Variants in UAP1L1 observed in about 807,000 individuals in gnomAD.
UAP1L1 encodes UDP-N-acetylglucosamine pyrophosphorylase 1 like 1.
A neutral mutation model predicts 45.3 loss-of-function variants in UAP1L1; 45 were observed. The observed-to-expected ratio is 0.99, with a 90% CI of 0.78 to 1.27. UAP1L1 has a LOEUF of 1.27. Among genes scored for constraint, UAP1L1 ranks in the 50% most tolerant of loss-of-function variants. UAP1L1 has a pLI of 0.00. For missense variants in UAP1L1, 667 were observed against 694.0 expected (o/e 0.96, Z 0.44); for synonymous variants, 323 against 303.9 (o/e 1.06, Z -0.65).
rs770678704 is a variant in UAP1L1 at position 137,081,988 on chromosome 9, CT to C, written c.1365-7del. ...CTGCAAGGAGATATTGACAAGTGGACTTTCCCTAGCTTGCCCCCAAATGGAG... is the reference window on the plus strand; with the variant it reads ...CTGCAAGGAGATATTGACAAGTGGACTTCCCTAGCTTGCCCCCAAATGGAG... On this transcript the variant is annotated splice_polypyrimidine_tract_variant and intron_variant, in intron 7 of 8. Coordinates refer to ENST00000409858, the MANE Select transcript of UAP1L1 (RefSeq NM_207309.3). 51 of 1,613,820 alleles carry C rather than the reference CT, an allele frequency of 3.2e-5. No individual in the cohort carries two copies. The highest frequency in any genetic ancestry group is 4.3e-5 in the Non-Finnish European group (51 of 1,179,934).
chr9:137,079,546 G>A, intron 5 of UAP1L1, 97 bp downstream of exon 5: 2 of 1,265,006 alleles, frequency 1.6e-6, no homozygotes, highest in Non-Finnish European at 2.2e-6. Context: ...CTGGGCCACA[G>A]CGGCTGTGGT....
intron 3 of UAP1L1, 54 bp from the exon 4 acceptor site, chr9:137,078,922 A>G: frequency 6.5e-7 from 1 of 1,539,632 alleles, no homozygotes; most frequent in Non-Finnish European, 8.7e-7. Context: ...CTAGACTCCC[A>G]GAGCGATCCC....
In UAP1L1 at chr9:137,082,710, C is replaced by T. The variant is rs373546658; in HGVS notation, c.1505C>T (p.Pro502Leu). ...LILDEDQARE[P>L]QLQES ...CTGGATGAAGACCAGGCCAGGGAGC[C>T]GCAGCTGCAGGAGTCCTGACCCGCC... Residue 502 changes from proline to leucine, a missense_variant, in exon 9 of 9, where the codon CCG becomes CTG. Pro to Leu is a moderately conservative substitution (Grantham distance 98, BLOSUM62 -3). Coordinates refer to ENST00000409858, the MANE Select transcript of UAP1L1 (RefSeq NM_207309.3). This position sits in a 1 kb window ranked among gnomAD's most constrained non-coding sequence, Gnocchi z 5.7. The T allele has an allele frequency of 3.6e-5, 56 of 1,550,500 alleles. No individual in the cohort carries two copies. Among genetic ancestry groups the T allele is most frequent in the South Asian group, 2.5e-4 (21 of 84,068 alleles).
rs1373298144 is a variant in UAP1L1 at position 137,078,150 on chromosome 9, G to A, written c.390G>A (p.Val130=). 4 of 1,550,116 alleles carry A rather than the reference G, an allele frequency of 2.6e-6. No individual in the cohort carries two copies. The highest frequency in any genetic ancestry group is 3.5e-6 in the Non-Finnish European group (4 of 1,146,850). Residue 130 remains valine, a synonymous_variant, in exon 2 of 9, where the codon GTG becomes GTA. Transcript: ENST00000409858. ...GVTYPKGMYR[V]GLPSRKTLYQ... is the part of the protein sequence containing the mutation. Reference sequence around the variant, plus strand: ...CCTACCCCAAGGGTATGTACCGTGTGGGGCTGCCCAGCCGGAAGACCCTGT... The same window carrying A: ...CCTACCCCAAGGGTATGTACCGTGTAGGGCTGCCCAGCCGGAAGACCCTGT...
In UAP1L1 at chr9:137,077,767, G is replaced by T. The variant is rs4073310; in HGVS notation, c.235G>T (p.Val79Leu). 0.019 allele frequency: 23,847 copies of T among 1,283,410 alleles called. 2,798 individuals are homozygous for T. In the African/African-American group the frequency reaches 0.29, roughly 15 times the overall value. The allele number at this position is 1,283,410 out of a possible 1,614,324, so 79.5% of individuals were successfully genotyped here. ...CCTGCGGCCCCTGCCCCCAGAGCGCGTGGGCAGGGCCAGCCGCAGCGACCC... is the reference window on the plus strand; with the variant it reads ...CCTGCGGCCCCTGCCCCCAGAGCGCTTGGGCAGGGCCAGCCGCAGCGACCC... ...ARLRPLPPERVGRASRSDPET... is the reference protein window; with the variant it reads ...ARLRPLPPERLGRASRSDPET... Residue 79 changes from valine (V) to leucine (L), a missense_variant, in exon 1 of 9, where the codon GTG (valine) becomes TTG (leucine). Transcript: ENST00000409858. The surrounding 1 kb of genome is among the most constrained non-coding windows in gnomAD (Gnocchi z 4.7).
chr9:137,079,133 A>C lies in UAP1L1; in HGVS notation c.828A>C (p.Ala276=), dbSNP rs199557609. Reference sequence around the variant, plus strand: ...TCGGCTTCTGTGTGTTGCAGGGCGCAGACTGTGGCGCCAAGGTTAGCGCCC... The same window carrying C: ...TCGGCTTCTGTGTGTTGCAGGGCGCCGACTGTGGCGCCAAGGTTAGCGCCC... ...VFIGFCVLQG[A]DCGAKVVEKA... Residue 276 remains alanine, a synonymous_variant, in exon 4 of 9, where the codon GCA becomes GCC. Transcript: ENST00000409858. 1 of 1,610,852 alleles carries C rather than the reference A, an allele frequency of 6.2e-7. No individual in the cohort carries two copies. The highest frequency in any genetic ancestry group is 2.2e-5 in the East Asian group (1 of 44,840).
At chr9:137,081,572 C>T (rs1192571924) in intron 7 of UAP1L1, among the ~76,000 whole-genome samples, 1 of 152,028 alleles carries the variant, frequency 6.6e-6, no homozygotes, top group Non-Finnish European at 1.5e-5. Context: ...CAACTTTGGT[C>T]AGTCAGGTCA....
chr9:137,078,738 G>C, intron 3 of UAP1L1, 61 bp downstream of exon 3: 1 of 1,529,034 alleles, frequency 6.5e-7, no homozygotes, highest in East Asian at 2.3e-5. Flanking sequence ...GCGTAGTTGG[G>C]GGTCCACGCG....
At chr9:137,079,588 G>T in intron 5 of UAP1L1, 139 bp downstream of exon 5, 1 of 775,732 alleles carries the variant, frequency 1.3e-6, no homozygotes. Context: ...ACGGCTGATG[G>T]GTCGGGGTGG....
Position 137,082,835 on chromosome 9 carries a change from C to A in UAP1L1, c.*106C>A. On this transcript the variant is annotated 3_prime_UTR_variant, in exon 9 of 9. Coordinates refer to ENST00000409858, the MANE Select transcript of UAP1L1 (RefSeq NM_207309.3). The surrounding 1 kb of genome is among the most constrained non-coding windows in gnomAD (Gnocchi z 5.7). The stretch of plus-strand genomic sequence containing the variant: ...AGCCCCGGCGTCCTGGAGCTGGGGG[C>A]TACAGCCCAGCCTGAGCTCTGGGTG... 1 of 901,770 alleles carries A rather than the reference C, an allele frequency of 1.1e-6. No individual in the cohort carries two copies. The highest frequency in any genetic ancestry group is 1.7e-6 in the Non-Finnish European group (1 of 584,276). 55.9% of individuals were successfully genotyped at this position (901,770 alleles called of 1,614,324 possible). A position where few individuals can be genotyped will look rare whatever the true frequency, so the allele number is the denominator to read the frequency against.
intron 5 of UAP1L1, chr9:137,079,735 GC>G: frequency 1.7e-6 from 1 of 591,502 alleles, no homozygotes; most frequent in East Asian, 2.9e-5. Context: ...TGCCCAGGGT[GC>G]TACCTCTGCT....
chr9:137,081,379 T>TTTC (rs1491526460), intron 7 of UAP1L1, among the ~76,000 whole-genome samples: 1 of 125,670 alleles, frequency 8.0e-6, no homozygotes, highest in Non-Finnish European at 1.7e-5. Context: ...TTTTTTTGTA[T>TTTC]TTTTTTTTTT....
chr9:137,079,791 G>A, intron 5 of UAP1L1: 1 of 636,040 alleles, frequency 1.6e-6, no homozygotes, highest in South Asian at 2.0e-5. Flanking sequence ...TGTGGCTGAT[G>A]GTGCCTGGCA....
At chr9:137,079,193 G>A (rs376424503) in intron 4 of UAP1L1, 45 bp downstream of exon 4, 94 of 1,581,414 alleles carry the variant, frequency 5.9e-5, no homozygotes, top group Non-Finnish European at 7.3e-5. Flanking sequence ...GGCTGGCCCC[G>A]CCCCTCACGG....
Position 137,078,636 on chromosome 9 carries a change from A to G in UAP1L1, c.629A>G (p.Lys210Arg), listed in dbSNP as rs758765045. 3.7e-6 allele frequency: 6 copies of G among 1,613,000 alleles called. No homozygotes were observed. In the Admixed American group the frequency reaches 1.0e-4, roughly 27 times the overall value. ...CTGCCTGCTGTGACCTTTGATGGCAAGGTTATCCTGGAGCGGAAAGACAAA... is the reference window on the plus strand; with the variant it reads ...CTGCCTGCTGTGACCTTTGATGGCAGGGTTATCCTGGAGCGGAAAGACAAA... ...RLLPAVTFDG[K>R]VILERKDKVA... The change falls in exon 3 of 9, where the codon AAG becomes AGG. Residue 210 changes from lysine to arginine, a missense_variant. Physicochemically the swap from Lys to Arg is conservative, Grantham distance 26. Transcript: ENST00000409858.
At chr9:137,079,950 G>A (rs916980733) in intron 5 of UAP1L1, 52 bp from the exon 6 acceptor site, 19 of 1,603,786 alleles carry the variant, frequency 1.2e-5, no homozygotes, top group African/African-American at 2.7e-5. Context: ...AGCCCCCAGC[G>A]GTGCCATATC....
chr9:137,078,574 G>A lies in UAP1L1; in HGVS notation c.567G>A (p.Leu189=), dbSNP rs1225159005. Reference sequence around the variant, plus strand: ...TCAGGGAGCACAACTTCTTCCACCTGGACCCCGCCAACGTGGTCATGTTTG... The same window carrying A: ...TCAGGGAGCACAACTTCTTCCACCTAGACCCCGCCAACGTGGTCATGTTTG... ...EFFREHNFFH[L]DPANVVMFEQ... Residue 189 remains leucine (L), a synonymous_variant, in exon 3 of 9, where the codon CTG becomes CTA. Transcript: ENST00000409858. 3 of 1,613,084 alleles carry A rather than the reference G, an allele frequency of 1.9e-6. No individual in the cohort carries two copies. The highest frequency in any genetic ancestry group is 2.5e-6 in the Non-Finnish European group (3 of 1,180,030).
chr9:137,078,643 C>T lies in UAP1L1; in HGVS notation c.636C>T (p.Ile212=), dbSNP rs747569623. 11 of 1,612,728 alleles carry T rather than the reference C, an allele frequency of 6.8e-6. No homozygotes were observed. The highest frequency in any genetic ancestry group is 1.6e-4 in the Middle Eastern group (1 of 6,084). The stretch of plus-strand genomic sequence containing the variant: ...CTGTGACCTTTGATGGCAAGGTTAT[C>T]CTGGAGCGGAAAGACAAAGTTGCCA... ...LPAVTFDGKV[I]LERKDKVAMA... is the part of the protein sequence containing the mutation. The change falls in exon 3 of 9, where the codon ATC becomes ATT. Residue 212 remains isoleucine (I), a synonymous_variant. Coordinates refer to ENST00000409858, the MANE Select transcript of UAP1L1 (RefSeq NM_207309.3).
intron 3 of UAP1L1, 67 bp downstream of exon 3, chr9:137,078,744 A>T (rs1226081025): frequency 1.3e-6 from 2 of 1,522,118 alleles, no homozygotes; most frequent in Non-Finnish European, 1.8e-6. Context: ...TTGGGGGTCC[A>T]CGCGCCCGGG....
Sources: gnomAD v4.1 joint callset for allele counts (sites outside exome capture counted in the v4.1 genomes callset) on GRCh38, gnomAD v4.1.1 for gene constraint, Gnocchi (gnomAD v3.1) non-coding constraint, MANE v1.5 for transcripts, NCBI Gene and HGNC (gene_info 2026-07-23, HGNC 2026-07-21) for gene names.